Variants in SLC12A6 observed in about 807,000 individuals in gnomAD.
SLC12A6 encodes the protein K-Cl cotransporter 3.
In SLC12A6, 66 loss-of-function variants were observed where a neutral mutation model predicts 135.3. The observed-to-expected ratio is 0.49, with a 90% CI of 0.40 to 0.60. The LOEUF (loss-of-function observed/expected upper bound fraction) is 0.60, where lower values mean the gene tolerates loss of function less well. Ranked by LOEUF, SLC12A6 falls within the 20% of genes least tolerant of loss-of-function variation. The probability of loss-of-function intolerance (pLI) is 0.00; values close to 1 mark genes in which losing one functional copy is unlikely to be tolerated. For synonymous variants in SLC12A6, 513 were observed against 508.8 expected, an observed-to-expected ratio of 1.01 and a Z score of -0.11; for missense variants, 1,058 against 1,452.3, an observed-to-expected ratio of 0.73 and a Z score of 4.41.
rs1255686577 is a variant in SLC12A6, at chr15:34,230,317, A to G, written c.*3564T>C. 4 of 157,018 alleles carry G rather than the reference A, an allele frequency of 2.5e-5. No homozygotes were observed. The highest frequency in any genetic ancestry group is 9.6e-5 in the African/African-American group (4 of 41,496). 9.7% of individuals were successfully genotyped at this position (157,018 alleles called of 1,614,324 possible). On this transcript the variant is annotated 3_prime_UTR_variant, in exon 26 of 26. Coordinates refer to ENST00000354181, the MANE Select transcript of SLC12A6 (RefSeq NM_001365088.1). Reference sequence around the variant, plus strand: ...AAAACCAGACAAAAGGAGCACATAAATATGCATACAGTGTAACTGTTATTA... The same window carrying G: ...AAAACCAGACAAAAGGAGCACATAAGTATGCATACAGTGTAACTGTTATTA...
At chr15:34,239,252 T>C (rs549452964) in intron 19 of SLC12A6, 92 bp from the exon 20 acceptor site, 6 of 952,022 alleles carry the variant, frequency 6.3e-6, no homozygotes, top group Admixed American at 1.7e-5. Context: ...CCCACCTTTT[T>C]CCAAAGTCTT....
chr15:34,288,483 T>C (rs1306493845), intron 2 of SLC12A6, among the ~76,000 whole-genome samples: 1 of 152,230 alleles, frequency 6.6e-6, no homozygotes, highest in Non-Finnish European at 1.5e-5. Context: ...TTTGGTTCCA[T>C]ATGAACTTTA....
chr15:34,336,528 C>A lies in SLC12A6; in HGVS notation c.153G>T (p.Val51=), dbSNP rs1890209460. The A allele has an allele frequency of 6.2e-7, 1 of 1,614,044 alleles. No homozygotes were observed. The highest frequency in any genetic ancestry group is 8.5e-7 in the Non-Finnish European group (1 of 1,179,976). ...TAGGCTCACTCCGGCTTGTTTCAGG[C>A]ACGCTTTCCCGGGAGCTAAATCTTA... ...SRVRFSSRES[V]PETSRSEPMS... The change falls in exon 2 of 26, where the codon GTG becomes GTT. Residue 51 remains valine (V), a synonymous_variant. Coordinates refer to ENST00000354181, the MANE Select transcript of SLC12A6 (RefSeq NM_001365088.1).
At chr15:34,253,656 A>G (rs1185288516) in intron 9 of SLC12A6, among the ~76,000 whole-genome samples, 2 of 152,332 alleles carry the variant, frequency 1.3e-5, no homozygotes, top group East Asian at 3.9e-4. Context: ...TTAAATCAAC[A>G]TAGAACCGAT....
chr15:34,236,304 G>C, intron 23 of SLC12A6, 105 bp from the exon 24 acceptor site: 1 of 835,938 alleles, frequency 1.2e-6, no homozygotes. Flanking sequence ...AACTGACAGA[G>C]TGAGAAGGAA....
intron 2 of SLC12A6, among the ~76,000 whole-genome samples, chr15:34,285,352 T>C (rs1420724627): frequency 6.6e-6 from 1 of 152,120 alleles, no homozygotes; most frequent in Non-Finnish European, 1.5e-5. Flanking sequence ...ACTGACAAGA[T>C]TGGCATGCTG....
chr15:34,235,429 TGA>T, intron 24 of SLC12A6, 115 bp from the exon 25 acceptor site: 10 of 784,346 alleles, frequency 1.3e-5, no homozygotes, highest in Non-Finnish European at 1.8e-5. Context: ...TCTGATAAAA[TGA>T]TTTTTTTTTT....
At chr15:34,280,118 G>A (rs1241201566) in intron 2 of SLC12A6, among the ~76,000 whole-genome samples, 3 of 152,174 alleles carry the variant, frequency 2.0e-5, no homozygotes, top group Admixed American at 6.5e-5. Context: ...AATAGCAATA[G>A]TCTTTGAGAC....
intron 18 of SLC12A6, 67 bp downstream of exon 18, chr15:34,241,166 A>G: frequency 1.1e-6 from 1 of 873,958 alleles, no homozygotes; most frequent in Non-Finnish European, 1.9e-6. Flanking sequence ...CTTATCCTAA[A>G]ATCAACAAAA....
chr15:34,302,832 C>A (rs1027393918), intron 2 of SLC12A6, among the ~76,000 whole-genome samples: 1 of 151,748 alleles, frequency 6.6e-6, no homozygotes, highest in Non-Finnish European at 1.5e-5. Flanking sequence ...TGTCTATAGT[C>A]CCAGCTACTT....
chr15:34,251,308 C>A (rs1334363964), intron 10 of SLC12A6, among the ~76,000 whole-genome samples: 2 of 152,012 alleles, frequency 1.3e-5, no homozygotes, highest in African/African-American at 4.8e-5. Flanking sequence ...AGTGCAGTGG[C>A]ACAATCTTGG....
At chr15:34,286,748 A>G (rs1380220437) in intron 2 of SLC12A6, among the ~76,000 whole-genome samples, 1 of 152,146 alleles carries the variant, frequency 6.6e-6, no homozygotes, top group Non-Finnish European at 1.5e-5. Flanking sequence ...GTGAGCCAAG[A>G]TTGCGCCACT....
At chr15:34,236,625 A>G in intron 23 of SLC12A6, 83 bp downstream of exon 23, 2 of 899,982 alleles carry the variant, frequency 2.2e-6, no homozygotes, top group African/African-American at 1.6e-5. Context: ...TACAGGCGTG[A>G]GCCACCATGC....
chr15:34,269,797 G>A (rs376332599), intron 3 of SLC12A6, among the ~76,000 whole-genome samples: 5 of 152,054 alleles, frequency 3.3e-5, no homozygotes, highest in African/African-American at 1.2e-4. Flanking sequence ...TAGGAGGGTA[G>A]GGAGGAAAAC....
chr15:34,255,834 T>C (rs556274874), intron 7 of SLC12A6, among the ~76,000 whole-genome samples: 1 of 149,766 alleles, frequency 6.7e-6, no homozygotes, highest in Non-Finnish European at 1.5e-5. Flanking sequence ...CCAGGCATAG[T>C]GGTGTACACC....
intron 21 of SLC12A6, 146 bp from the exon 22 acceptor site, chr15:34,237,696 T>C (rs1891364623): frequency 3.0e-6 from 2 of 671,934 alleles, no homozygotes; most frequent in African/African-American, 3.6e-5. Context: ...TGCTATGTTA[T>C]TGTATTAGGG....
At chr15:34,240,304 T>A (rs1891556351) in intron 19 of SLC12A6, among the ~76,000 whole-genome samples, 1 of 152,110 alleles carries the variant, frequency 6.6e-6, no homozygotes, top group African/African-American at 2.4e-5. Flanking sequence ...GGAAGAAAAT[T>A]TGGTCATTAC....
At chr15:34,303,193 G>C (rs137855324) in intron 2 of SLC12A6, among the ~76,000 whole-genome samples, 2 of 152,182 alleles carry the variant, frequency 1.3e-5, no homozygotes, top group Non-Finnish European at 2.9e-5. Flanking sequence ...AGAGACTACT[G>C]TGAACATTTC....
At chr15:34,243,082 G>A (rs112979791) in intron 16 of SLC12A6, among the ~76,000 whole-genome samples, 15,889 of 152,002 alleles carry the variant, frequency 0.1, 927 homozygotes, top group East Asian at 0.27. Flanking sequence ...TAGTAGAGAC[G>A]GGGTTTCCCC....
Sources: gnomAD v4.1 joint callset for allele counts (sites outside exome capture counted in the v4.1 genomes callset) on GRCh38, gnomAD v4.1.1 for gene constraint, MANE v1.5 for transcripts, NCBI Gene and HGNC (gene_info 2026-07-23, HGNC 2026-07-21) for gene names.